The following XKR5 variants were observed in gnomAD, a reference collection of about 807,000 sequenced individuals.
XKR5 encodes the protein XK-related protein 5.
XKR5 carries 46 observed loss-of-function variants against 40.8 expected under a neutral mutation model. That is an observed-to-expected ratio of 1.13 (90% CI 0.89 to 1.44). The LOEUF (loss-of-function observed/expected upper bound fraction) is 1.44, where lower values mean the gene tolerates loss of function less well. XKR5 is among the 40% of genes most tolerant of loss of function. XKR5 has a pLI of 0.00. For synonymous variants in XKR5, 466 were observed against 356.1 expected (o/e 1.31, Z -3.48); for missense variants, 1,169 against 844.7 (o/e 1.38, Z -4.76).
intron 3 of XKR5, among the ~76,000 whole-genome samples, chr8:6,824,738 G>C (rs185107910): frequency 6.6e-6 from 1 of 152,044 alleles, no homozygotes; most frequent in Non-Finnish European, 1.5e-5. Context: ...TGCCTGGCTG[G>C]TCTTGAGCTC....
chr8:6,831,188 C>A (rs1033015822), intron 2 of XKR5, among the ~76,000 whole-genome samples: 4 of 152,240 alleles, frequency 2.6e-5, no homozygotes, highest in Admixed American at 1.3e-4. Flanking sequence ...CTGGGCTGGG[C>A]CGATCAGGGA....
At chr8:6,818,433 C>T (rs889194273) in intron 5 of XKR5, among the ~76,000 whole-genome samples, 1 of 152,238 alleles carries the variant, frequency 6.6e-6, no homozygotes, top group African/African-American at 2.4e-5. Context: ...GGCACTGAGA[C>T]ATGACCCTCT....
At chr8:6,816,775 TTTTA>T (rs1803977849) in intron 5 of XKR5, among the ~76,000 whole-genome samples, 1 of 148,906 alleles carries the variant, frequency 6.7e-6, no homozygotes, top group Non-Finnish European at 1.5e-5. Flanking sequence ...ATACTGTGTA[TTTTA>T]TTTATTTAAA....
At chr8:6,814,062 G>A (rs1388409983) in intron 6 of XKR5, among the ~76,000 whole-genome samples, 1 of 152,154 alleles carries the variant, frequency 6.6e-6, no homozygotes, top group Non-Finnish European at 1.5e-5. Context: ...GCCCCTCCCT[G>A]AAGGAAGGAT....
rs941490012 is a variant in XKR5, at chr8:6,825,292, G to T, written c.300C>A (p.Gly100=). 2.5e-6 allele frequency: 4 copies of T among 1,609,608 alleles called. No homozygotes were observed. Among genetic ancestry groups the T allele is most frequent in the Non-Finnish European group, 3.4e-6 (4 of 1,178,414 alleles). The change falls in exon 3 of 7, where the codon GGC becomes GGA. Residue 100 remains glycine, a synonymous_variant. Coordinates refer to ENST00000618742, the MANE Select transcript of XKR5 (RefSeq NM_207411.5). Reference sequence around the variant, plus strand: ...GGTCGGCCTCCTGCAGCTGCAGCCAGCCTCGGTGGGGAGCCTCCAGTTCCT... The same window carrying T: ...GGTCGGCCTCCTGCAGCTGCAGCCATCCTCGGTGGGGAGCCTCCAGTTCCT... The part of the protein sequence containing the change: ...LQKELEAPHR[G]WLQLQEADLS...
chr8:6,824,808 A>C (rs1414282818), intron 3 of XKR5, among the ~76,000 whole-genome samples: 4 of 152,286 alleles, frequency 2.6e-5, no homozygotes, highest in African/African-American at 9.6e-5. Flanking sequence ...CAGGTGTGAG[A>C]CTTGTGCCCG....
intron 5 of XKR5, among the ~76,000 whole-genome samples, chr8:6,821,050 T>G (rs1418009066): frequency 6.6e-6 from 1 of 152,030 alleles, no homozygotes; most frequent in Admixed American, 6.5e-5. Context: ...ACAGGAACAC[T>G]GAGAGGGGGG....
intron 1 of XKR5, among the ~76,000 whole-genome samples, chr8:6,833,826 C>G (rs1804878200): frequency 6.6e-6 from 1 of 152,230 alleles, no homozygotes; most frequent in African/African-American, 2.4e-5. Context: ...GACAGGCATT[C>G]ACTAAATGAC....
chr8:6,830,664 A>G (rs1804724913), intron 2 of XKR5, among the ~76,000 whole-genome samples: 2 of 152,170 alleles, frequency 1.3e-5, no homozygotes, highest in Non-Finnish European at 2.9e-5. Flanking sequence ...GTATTTTTAA[A>G]GTCATCTTAA....
chr8:6,825,162 C>T lies in XKR5; in HGVS notation c.427+3G>A, dbSNP rs1158678910. 6.2e-7 allele frequency: 1 copy of T among 1,613,326 alleles called. No individual in the cohort carries two copies. Among genetic ancestry groups the T allele is most frequent in the Non-Finnish European group, 8.5e-7 (1 of 1,179,676 alleles). The stretch of plus-strand genomic sequence containing the variant: ...TCTGTGCTCTGTGGTGACAGTTACT[C>T]ACCTGGCACAATATCTGTGAAGTCT... On this transcript the variant is annotated splice_donor_region_variant and intron_variant, in intron 3 of 6. Transcript: ENST00000618742.
At chr8:6,823,847 G>A (rs766539292) in intron 3 of XKR5, 117 bp from the exon 4 acceptor site, 7 of 884,108 alleles carry the variant, frequency 7.9e-6, no homozygotes, top group African/African-American at 1.7e-5. Flanking sequence ...TTAAAGCCTG[G>A]CTGCACAGAG....
At chr8:6,833,841 T>C (rs1804878699) in intron 1 of XKR5, among the ~76,000 whole-genome samples, 1 of 152,228 alleles carries the variant, frequency 6.6e-6, no homozygotes, top group South Asian at 2.1e-4. Context: ...AATGACATTG[T>C]CAGGGCTTTC....
At position 6,823,727 on chromosome 8, in the gene XKR5, AC is replaced by A; in HGVS notation, c.430del (p.Val144Ter). On this transcript the variant is annotated frameshift_variant and splice_region_variant, in exon 4 of 7. Transcript: ENST00000618742. LOFTEE classifies it high-confidence loss of function. ...TGAGGACCAGGAAAACAGGGTGCTC[AC>A]CCCTGAAAGGGAAGCAGAAAGATGT... The part of the protein sequence containing the change: ...ASDFTDIVPG[V>X]STLFSWSSLS... 1.9e-6 allele frequency: 3 copies of A among 1,573,598 alleles called. No individual in the cohort carries two copies. Among genetic ancestry groups the A allele is most frequent in the Admixed American group, 1.9e-5 (1 of 54,000 alleles).
At chr8:6,832,547 C>G (rs572723295) in intron 2 of XKR5, among the ~76,000 whole-genome samples, 170 bp downstream of exon 2, 12 of 151,770 alleles carry the variant, frequency 7.9e-5, no homozygotes, top group Admixed American at 5.9e-4. Context: ...AAAGTGCAGG[C>G]TGGACCCGGG....
intron 5 of XKR5, 132 bp downstream of exon 5, chr8:6,821,737 A>C (rs908096285): frequency 3.9e-6 from 3 of 763,554 alleles, no homozygotes; most frequent in Non-Finnish European, 5.7e-6. Context: ...AATTTTTCTT[A>C]AACTAAGCTA....
At chr8:6,813,323 G>T (rs1188256201) in intron 6 of XKR5, among the ~76,000 whole-genome samples, 1 of 152,182 alleles carries the variant, frequency 6.6e-6, no homozygotes, top group East Asian at 1.9e-4. Context: ...ACAATTGCCT[G>T]GTGAGGGACA....
chr8:6,823,707 A>G lies in XKR5; in HGVS notation c.451T>C (p.Ser151Pro). 1.3e-6 allele frequency: 2 copies of G among 1,584,060 alleles called. No homozygotes were observed. The highest frequency in any genetic ancestry group is 2.3e-5 in the East Asian group (1 of 43,280). ...VPGVSTLFSW[S>P]SLSWALVSYT... ...GACACCAGTGCCCAGGAGAGTGAGG[A>G]CCAGGAAAACAGGGTGCTCACCCCT... is the stretch of plus-strand genomic sequence containing the variant. The change falls in exon 4 of 7, where the codon TCC becomes CCC. Residue 151 changes from serine to proline, a missense_variant. Coordinates refer to ENST00000618742, the MANE Select transcript of XKR5 (RefSeq NM_207411.5).
intron 3 of XKR5, 59 bp from the exon 4 acceptor site, chr8:6,823,789 G>C: frequency 7.2e-7 from 1 of 1,393,896 alleles, no homozygotes; most frequent in Non-Finnish European, 9.9e-7. Context: ...ACAGTACCTT[G>C]TGAAGATTCA....
At chr8:6,813,619 G>C (rs991604909) in intron 6 of XKR5, among the ~76,000 whole-genome samples, 1 of 152,192 alleles carries the variant, frequency 6.6e-6, no homozygotes, top group Non-Finnish European at 1.5e-5. Context: ...GGGTCGGCTG[G>C]GAGTCAGGGG....
Sources: gnomAD v4.1 joint callset for allele counts (sites outside exome capture counted in the v4.1 genomes callset) on GRCh38, gnomAD v4.1.1 for gene constraint, MANE v1.5 for transcripts, NCBI Gene and HGNC (gene_info 2026-07-23, HGNC 2026-07-21) for gene names.